The following FAM47E variants were observed in gnomAD, a reference collection of about 807,000 sequenced individuals.
FAM47E encodes the protein protein FAM47E.
FAM47E carries 32 observed loss-of-function variants against 41.6 expected under a neutral mutation model. The observed-to-expected ratio is 0.77, with a 90% CI of 0.58 to 1.03. FAM47E has a LOEUF of 1.03. FAM47E is among the 50% of genes least tolerant of loss of function. The pLI, the probability that FAM47E is intolerant of heterozygous loss-of-function variation, is 0.00. For missense variants in FAM47E, 424 were observed against 485.4 expected (o/e 0.87, Z 1.19); for synonymous variants, 184 against 188.7 (o/e 0.98, Z 0.20).
At chr4:76,242,234 T>C (rs930882560) in intron 2 of FAM47E, among the ~76,000 whole-genome samples, 8 of 152,040 alleles carry the variant, frequency 5.3e-5, no homozygotes, top group African/African-American at 1.7e-4. Flanking sequence ...GTCATGGGGG[T>C]GGATCTCTCA....
chr4:76,269,245 A>G (rs736635), intron 4 of FAM47E: 111,786 of 154,276 alleles, frequency 0.72, 41,060 homozygotes, highest in Non-Finnish European at 0.78. Flanking sequence ...TGAGGCGGGC[A>G]GATCACTTGA....
chr4:76,275,391 C>A (rs768648278), intron 5 of FAM47E, among the ~76,000 whole-genome samples: 4 of 152,318 alleles, frequency 2.6e-5, no homozygotes, highest in Admixed American at 1.3e-4. Context: ...TCTCTCACAG[C>A]AATCTGTGCC....
At chr4:76,273,781 C>G (rs1734989233) in intron 5 of FAM47E, among the ~76,000 whole-genome samples, 1 of 152,036 alleles carries the variant, frequency 6.6e-6, no homozygotes, top group Admixed American at 6.6e-5. Context: ...TGTTTTACAG[C>G]TCACCACTGC....
chr4:76,234,606 G>A (rs1733553014), intron 2 of FAM47E: 1 of 152,206 alleles, frequency 6.6e-6, no homozygotes, highest in South Asian at 2.1e-4. Context: ...CCACCCCAGG[G>A]CGCAGGTTGG....
chr4:76,271,183 G>A (rs567753651), intron 4 of FAM47E, among the ~76,000 whole-genome samples: 2 of 152,316 alleles, frequency 1.3e-5, no homozygotes, highest in African/African-American at 4.8e-5. Flanking sequence ...GACTAAAACC[G>A]CCTCCTTCAG....
At chr4:76,262,938 AT>A (rs2110012151) in intron 2 of FAM47E, among the ~76,000 whole-genome samples, 1 of 152,136 alleles carries the variant, frequency 6.6e-6, no homozygotes, top group Admixed American at 6.5e-5. Context: ...ATTTAAAAAA[AT>A]TTTTTAAATA....
chr4:76,238,185 C>T (rs1315878312), intron 2 of FAM47E, among the ~76,000 whole-genome samples: 1 of 152,124 alleles, frequency 6.6e-6, no homozygotes, highest in Non-Finnish European at 1.5e-5. Context: ...TCTCTTCCTG[C>T]CAAGACTCTA....
Position 76,273,064 on chromosome 4 carries a change from C to T in FAM47E, c.870+1296C>T, listed in dbSNP as rs957346. 1.4e-4 allele frequency among the ~76,000 whole-genome samples: 21 copies of T among 152,254 alleles called. No individual in the cohort carries two copies. The East Asian group carries it at 3.9e-3, about 28-fold the overall frequency. On this transcript the variant is annotated intron_variant, in intron 5 of 7. Transcript: ENST00000424749. Reference sequence around the variant, plus strand: ...CCTGTAGGGGTTATGTTCCAAGATCCTCCAGTGGATGCTGAAACTTTGGAT... The same window carrying T: ...CCTGTAGGGGTTATGTTCCAAGATCTTCCAGTGGATGCTGAAACTTTGGAT...
At chr4:76,265,252 T>C (rs1484757944) in intron 3 of FAM47E, among the ~76,000 whole-genome samples, 1 of 152,200 alleles carries the variant, frequency 6.6e-6, no homozygotes, top group African/African-American at 2.4e-5. Flanking sequence ...AGATGGCCCA[T>C]GGGAAGCACA....
chr4:76,260,786 A>G (rs2869864), intron 2 of FAM47E, among the ~76,000 whole-genome samples: 19,661 of 152,188 alleles, frequency 0.13, 1,569 homozygotes, highest in East Asian at 0.32. Flanking sequence ...AGCCTGCAGA[A>G]TGGGAGAAAC....
chr4:76,280,411 G>A, intron 7 of FAM47E, 70 bp downstream of exon 7: 2 of 909,926 alleles, frequency 2.2e-6, no homozygotes, highest in Non-Finnish European at 3.4e-6. Context: ...ACGGGAAGAG[G>A]TTATGACCCT....
At chr4:76,273,920 T>C (rs7693209) in intron 5 of FAM47E, among the ~76,000 whole-genome samples, 2,937 of 152,252 alleles carry the variant, frequency 0.019, 83 homozygotes, top group African/African-American at 0.065. Context: ...GAATCTCCTA[T>C]GTTATAATTT....
intron 2 of FAM47E, among the ~76,000 whole-genome samples, chr4:76,217,900 C>T (rs762485194): frequency 1.3e-5 from 2 of 152,162 alleles, no homozygotes; most frequent in South Asian, 2.1e-4. Flanking sequence ...TAAGGGCTAT[C>T]GAGGGGAAGC....
chr4:76,240,545 T>C (rs1733687837), intron 2 of FAM47E, among the ~76,000 whole-genome samples: 1 of 152,304 alleles, frequency 6.6e-6, no homozygotes, highest in South Asian at 2.1e-4. Flanking sequence ...TGTTTGACGA[T>C]GTCCTACAGG....
chr4:76,259,787 A>C (rs2119732), intron 2 of FAM47E, among the ~76,000 whole-genome samples: 86,035 of 152,036 alleles, frequency 0.57, 24,944 homozygotes, highest in Middle Eastern at 0.66. Flanking sequence ...AAAAATGAAT[A>C]ATTTCATGAT....
At position 76,278,121 on chromosome 4, in the gene FAM47E, AC is replaced by A; in HGVS notation, c.927del (p.Lys310SerfsTer8). ...ATGAGGTATGGAGCATGGTATTTGA[AC>A]CCCAAGTTGTGGAAAAAGCAAAGAG... ...VKMRYGAWYLNPKLWKKQRVD... is the reference protein window; with the variant it reads ...VKMRYGAWYLXPKLWKKQRVD... On this transcript the variant is annotated frameshift_variant, in exon 6 of 8. Coordinates refer to ENST00000424749, the MANE Select transcript of FAM47E (RefSeq NM_001136570.3). LOFTEE classifies it high-confidence loss of function. 6.4e-7 allele frequency: 1 copy of A among 1,550,756 alleles called. No individual in the cohort carries two copies. The highest frequency in any genetic ancestry group is 1.4e-5 in the African/African-American group (1 of 73,100).
chr4:76,280,996 A>G (rs1173037682), intron 7 of FAM47E: 1 of 152,368 alleles, frequency 6.6e-6, no homozygotes, highest in Admixed American at 6.5e-5. Flanking sequence ...GGTTGGCAGA[A>G]GGGAACATGG....
chr4:76,267,770 AAG>A, intron 3 of FAM47E: 1 of 152,274 alleles, frequency 6.6e-6, no homozygotes, highest in Non-Finnish European at 1.5e-5. Context: ...TATGCTAATT[AAG>A]AGAAGCCAGA....
intron 2 of FAM47E, among the ~76,000 whole-genome samples, chr4:76,241,726 G>A (rs1359923190): frequency 6.6e-6 from 1 of 152,124 alleles, no homozygotes; most frequent in African/African-American, 2.4e-5. Context: ...GATTCCTGGT[G>A]CTTTCTACTC....
Sources: allele counts gnomAD v4.1 joint callset (sites outside exome capture counted in the v4.1 genomes callset), GRCh38; gene constraint gnomAD v4.1.1; transcripts MANE v1.5; gene names NCBI Gene and HGNC (gene_info 2026-07-23, HGNC 2026-07-21).